Variants in ABL2 observed in about 807,000 individuals in gnomAD.
ABL2 encodes tyrosine-protein kinase ABL2.
In ABL2, 49 loss-of-function variants were observed where a neutral mutation model predicts 107.7. The observed-to-expected ratio is 0.45, with a 90% confidence interval of 0.36 to 0.58. ABL2 has a LOEUF of 0.58. ABL2 is among the 20% of genes least tolerant of loss of function. ABL2 has a pLI of 0.00. For missense variants in ABL2, 1,245 were observed against 1,457.0 expected (o/e 0.85, Z 2.37); for synonymous variants, 549 against 548.6 (o/e 1.00, Z -0.01).
Position 179,099,595 on chromosome 1 carries a change from T to A in ABL2, c.*8123A>T, listed in dbSNP as rs1334092896. On this transcript the variant is annotated 3_prime_UTR_variant, in exon 12 of 12. Coordinates refer to ENST00000502732, the MANE Select transcript of ABL2 (RefSeq NM_007314.4). ...GATGTGTTTTTAGTTAAATCCCACATTGTCTCACTATGTCCCCTTAGCAAT... is the reference window on the plus strand; with the variant it reads ...GATGTGTTTTTAGTTAAATCCCACAATGTCTCACTATGTCCCCTTAGCAAT... 8.7e-6 allele frequency: 2 copies of A among 229,986 alleles called. No individual in the cohort carries two copies. Among genetic ancestry groups the A allele is most frequent in the African/African-American group, 2.2e-5 (1 of 45,186 alleles). 14.2% of individuals were successfully genotyped at this position (229,986 alleles called of 1,614,324 possible). A position where few individuals can be genotyped will look rare whatever the true frequency, so the allele number is the denominator to read the frequency against.
chr1:179,194,817 A>C (rs1235278823), intron 1 of ABL2, among the ~76,000 whole-genome samples: 1 of 152,242 alleles, frequency 6.6e-6, no homozygotes, highest in African/African-American at 2.4e-5. Context: ...GGGTAATGAT[A>C]GTAAGAAGAA....
rs570783608 is a variant in ABL2, at chr1:179,190,068, C to T, written c.157+39173G>A. 5.3e-5 allele frequency among the ~76,000 whole-genome samples: 8 copies of T among 152,006 alleles called. No homozygotes were observed. In the East Asian group the frequency reaches 9.7e-4, roughly 18 times the overall value. On this transcript the variant is annotated intron_variant, in intron 1 of 11. Transcript: ENST00000502732. ...CTGACCTCAGGTGATCTGCCCACCT[C>T]GGCCTCCCAAAGTGCTGGGATTACA...
chr1:179,184,503 G>A, intron 1 of ABL2: 1 of 740,332 alleles, frequency 1.4e-6, no homozygotes, highest in East Asian at 2.7e-5. Context: ...CATCAAAGAT[G>A]ACATTTGTCC....
chr1:179,188,520 C>T (rs1214841206), intron 1 of ABL2, among the ~76,000 whole-genome samples: 1 of 152,188 alleles, frequency 6.6e-6, no homozygotes, highest in African/African-American at 2.4e-5. Flanking sequence ...ACACTCCAGC[C>T]TGGACAACAG....
chr1:179,215,853 A>C (rs1662535690), intron 1 of ABL2, among the ~76,000 whole-genome samples: 1 of 152,232 alleles, frequency 6.6e-6, no homozygotes, highest in Non-Finnish European at 1.5e-5. Context: ...ATGTTTTCTT[A>C]GCAATTACCT....
At chr1:179,156,639 C>T (rs1220188748) in intron 1 of ABL2, among the ~76,000 whole-genome samples, 2 of 152,084 alleles carry the variant, frequency 1.3e-5, no homozygotes, top group Non-Finnish European at 2.9e-5. Context: ...CTTTGGGAGG[C>T]CAAGAAGGAT....
chr1:179,120,476 T>G (rs1655085776), intron 5 of ABL2, among the ~76,000 whole-genome samples: 1 of 152,154 alleles, frequency 6.6e-6, no homozygotes, highest in South Asian at 2.1e-4. Flanking sequence ...GTTACCCAGG[T>G]TGGGGTGAAG....
At chr1:179,212,402 G>A (rs1351931366) in intron 1 of ABL2, among the ~76,000 whole-genome samples, 1 of 152,178 alleles carries the variant, frequency 6.6e-6, no homozygotes, top group Non-Finnish European at 1.5e-5. Flanking sequence ...GTTCTCACAG[G>A]TCTTACCATC....
intron 1 of ABL2, among the ~76,000 whole-genome samples, chr1:179,210,111 C>T (rs987451917): frequency 2.0e-5 from 3 of 152,144 alleles, no homozygotes; most frequent in Admixed American, 2.0e-4. Context: ...CAATCTTCCC[C>T]CTCAGCCTCC....
chr1:179,212,336 G>A (rs1319683592), intron 1 of ABL2, among the ~76,000 whole-genome samples: 1 of 152,174 alleles, frequency 6.6e-6, no homozygotes, highest in Non-Finnish European at 1.5e-5. Flanking sequence ...ATACTACTGA[G>A]TGCCTGGCAC....
rs1652922840 is a variant in ABL2 at position 179,099,511 on chromosome 1, A to G, written c.*8207T>C. 1 of 224,042 alleles carries G rather than the reference A, an allele frequency of 4.5e-6. No homozygotes were observed. The highest frequency in any genetic ancestry group is 8.9e-6 in the Non-Finnish European group (1 of 112,332). The allele number at this position is 224,042 out of a possible 1,614,324, so 13.9% of individuals were successfully genotyped here. A position where few individuals can be genotyped will look rare whatever the true frequency, so the allele number is the denominator to read the frequency against. ...TTAAATTAGAAAAACAACTGAAAAT[A>G]TATTACAATAACAATTAAGAACAAA... On this transcript the variant is annotated 3_prime_UTR_variant, in exon 12 of 12. Coordinates refer to ENST00000502732, the MANE Select transcript of ABL2 (RefSeq NM_007314.4).
At chr1:179,110,826 A>T (rs1653985829) in intron 10 of ABL2, 1 of 1,613,824 alleles carries the variant, frequency 6.2e-7, no homozygotes, top group African/African-American at 1.3e-5. Flanking sequence ...TGCACGTCTG[A>T]TTGGCACAAT....
At chr1:179,210,843 G>C (rs1435543304) in intron 1 of ABL2, among the ~76,000 whole-genome samples, 1 of 151,834 alleles carries the variant, frequency 6.6e-6, no homozygotes, top group Non-Finnish European at 1.5e-5. Context: ...GACACAGCAA[G>C]ACTCTGTCTC....
At chr1:179,178,787 C>T (rs1660205266) in intron 1 of ABL2, among the ~76,000 whole-genome samples, 1 of 151,920 alleles carries the variant, frequency 6.6e-6, no homozygotes, top group South Asian at 2.1e-4. Context: ...ATCCCAGCTA[C>T]TCGGGAGGCT....
At chr1:179,216,735 G>A (rs551633694) in intron 1 of ABL2, among the ~76,000 whole-genome samples, 1 of 149,458 alleles carries the variant, frequency 6.7e-6, no homozygotes, top group African/African-American at 2.5e-5. Flanking sequence ...TTTTTTGGCT[G>A]GACTGCAGTG....
At chr1:179,188,718 G>A (rs759798034) in intron 1 of ABL2, among the ~76,000 whole-genome samples, 1 of 152,164 alleles carries the variant, frequency 6.6e-6, no homozygotes, top group Non-Finnish European at 1.5e-5. Flanking sequence ...GTTCAGTGCT[G>A]TATTTCCAGT....
At chr1:179,224,737 C>T (rs1220032110) in intron 1 of ABL2, among the ~76,000 whole-genome samples, 1 of 151,764 alleles carries the variant, frequency 6.6e-6, no homozygotes, top group African/African-American at 2.4e-5. Context: ...CAGAGCTTGC[C>T]TCTCGCAGTG....
intron 4 of ABL2, among the ~76,000 whole-genome samples, chr1:179,122,578 T>C (rs1311191878): frequency 1.3e-5 from 2 of 151,920 alleles, no homozygotes; most frequent in Non-Finnish European, 2.9e-5. Context: ...TCAAGCTCAT[T>C]GGTCTTCAAA....
intron 1 of ABL2, among the ~76,000 whole-genome samples, chr1:179,149,621 A>C (rs569294083): frequency 6.6e-6 from 1 of 152,328 alleles, no homozygotes; most frequent in East Asian, 1.9e-4. Context: ...AATTGAAGCC[A>C]ACGCTCATTT....
Sources: gnomAD v4.1 joint callset for allele counts (sites outside exome capture counted in the v4.1 genomes callset) on GRCh38, gnomAD v4.1.1 for gene constraint, MANE v1.5 for transcripts, NCBI Gene and HGNC (gene_info 2026-07-23, HGNC 2026-07-21) for gene names.